ZNF407: variants seen among roughly 807,000 people sequenced by gnomAD.
ZNF407 encodes zinc finger protein 407.
A neutral mutation model predicts 131.2 loss-of-function variants in ZNF407; 17 were observed. The observed-to-expected ratio is 0.13, with a 90% CI of 0.09 to 0.19. The LOEUF is 0.19. Among genes scored for constraint, ZNF407 ranks in the 10% least tolerant of loss-of-function variants. The pLI, the probability that ZNF407 is intolerant of heterozygous loss-of-function variation, is 1.00. For missense variants in ZNF407, 2,681 were observed against 2,830.6 expected, an observed-to-expected ratio of 0.95 and a Z score of 1.20; for synonymous variants, 1,156 against 1,062.0, an observed-to-expected ratio of 1.09 and a Z score of -1.72.
chr18:75,023,735 C>A (rs1173186167), intron 8 of ZNF407, among the ~76,000 whole-genome samples: 2 of 152,136 alleles, frequency 1.3e-5, no homozygotes, highest in African/African-American at 4.8e-5. Context: ...TACATGAATG[C>A]AAGTATTGGT....
At chr18:74,725,233 TCCAGTG>T in intron 3 of ZNF407, among the ~76,000 whole-genome samples, 1 of 152,144 alleles carries the variant, frequency 6.6e-6, no homozygotes. Flanking sequence ...CCTCCTAGGC[TCCAGTG>T]AGCCTCTCAG....
intron 1 of ZNF407, among the ~76,000 whole-genome samples, chr18:74,623,259 T>G (rs977790979): frequency 4.6e-5 from 7 of 151,892 alleles, no homozygotes; most frequent in African/African-American, 1.7e-4. Context: ...CATGTGAGTG[T>G]GTGTGTGCAT....
chr18:74,889,105 C>A (rs1568256438), intron 6 of ZNF407, among the ~76,000 whole-genome samples: 1 of 152,188 alleles, frequency 6.6e-6, no homozygotes, highest in Non-Finnish European at 1.5e-5. Context: ...CAGTAGCATG[C>A]TGTACAGGTT....
intron 1 of ZNF407, among the ~76,000 whole-genome samples, chr18:74,599,514 CATAA>C (rs1048255368): frequency 1.3e-5 from 2 of 152,116 alleles, no homozygotes; most frequent in Admixed American, 6.5e-5. Flanking sequence ...TGAATAGACA[CATAA>C]ATAAATATAT....
chr18:74,915,978 AGT>A (rs757725132), intron 7 of ZNF407, among the ~76,000 whole-genome samples: 9 of 202 alleles, frequency 0.045, 2 homozygotes, highest in Non-Finnish European at 0.39. Flanking sequence ...TCGAATCGGG[AGT>A]GTGTGTGTGT....
intron 8 of ZNF407, 182 bp from the exon 9 acceptor site, chr18:75,062,968 C>T (rs907894197): frequency 3.6e-5 from 20 of 562,414 alleles, no homozygotes; most frequent in South Asian, 8.3e-5. Flanking sequence ...TAGAGCCTGC[C>T]TGCAGATGCC....
chr18:75,010,251 C>T (rs936263355), intron 8 of ZNF407, among the ~76,000 whole-genome samples: 3 of 152,010 alleles, frequency 2.0e-5, no homozygotes, highest in African/African-American at 4.8e-5. Flanking sequence ...TGAGATTTGC[C>T]GAGAGAAAGG....
In ZNF407 at chr18:75,046,709, A is replaced by G. The variant is rs192448528; in HGVS notation, c.5429-16441A>G. On this transcript the variant is annotated intron_variant, in intron 8 of 8. Coordinates refer to ENST00000299687, the MANE Select transcript of ZNF407 (RefSeq NM_017757.3). ...CTGTGCAGAGAATCTGTGAGAATCA[A>G]TCTCCTCCCTTCTTTGGCTTTTTGT... 7.9e-5 allele frequency among the ~76,000 whole-genome samples: 12 copies of G among 151,208 alleles called. No homozygotes were observed. In the South Asian group the frequency reaches 8.4e-4, roughly 11 times the overall value.
In ZNF407 at chr18:74,631,813, G is replaced by A. The variant is rs766758339; in HGVS notation, c.794G>A (p.Gly265Asp). The change falls in exon 2 of 9, where the codon GGC (glycine) becomes GAC (aspartate). Residue 265 changes from glycine to aspartate, a missense_variant. By Grantham distance (94) the Gly-to-Asp change is moderately conservative (BLOSUM62 -1). Around this residue, in one of 6 missense-constraint regions of ZNF407, gnomAD observed 1,789 missense variants for 1,748.7 expected, o/e 1.02. Transcript: ENST00000299687. ...AACTTGTTGAATGCACATTATCTTG[G>A]CAAAACACATCTCCGTCGTCAGAAT... ...EENLLNAHYL[G>D]KTHLRRQNLA... is the part of the protein sequence containing the mutation. 1.2e-6 allele frequency: 2 copies of A among 1,613,954 alleles called. No individual in the cohort carries two copies. Among genetic ancestry groups the A allele is most frequent in the Admixed American group, 3.3e-5 (2 of 60,018 alleles).
chr18:74,615,520 C>A (rs765871326), intron 1 of ZNF407, among the ~76,000 whole-genome samples: 4 of 152,130 alleles, frequency 2.6e-5, no homozygotes, highest in Admixed American at 6.5e-5. Flanking sequence ...ACTTTTATCA[C>A]GTTTGAGCTG....
intron 8 of ZNF407, among the ~76,000 whole-genome samples, chr18:75,046,642 C>T (rs775131685): frequency 1.3e-5 from 2 of 152,000 alleles, no homozygotes; most frequent in South Asian, 2.1e-4. Context: ...CAGGTCCATG[C>T]GGAATGAACA....
At position 74,632,340 on chromosome 18, in the gene ZNF407, A is replaced by G; in HGVS notation, c.1321A>G (p.Lys441Glu). Residue 441 changes from lysine (K) to glutamate (E), a missense_variant, in exon 2 of 9, where the codon AAG becomes GAG. By Grantham distance (56) the Lys-to-Glu change is moderately conservative. Transcript: ENST00000299687. The stretch of plus-strand genomic sequence containing the variant: ...CACTTTCACCTTGAAGGGCCAGGCA[A>G]AGAAAAGGTTTAATCTTTTAGGAAT... The part of the protein sequence containing the change: ...SSTFTLKGQA[K>E]KRFNLLGIKR... 1.2e-6 allele frequency: 2 copies of G among 1,614,010 alleles called. No homozygotes were observed. The highest frequency in any genetic ancestry group is 1.7e-6 in the Non-Finnish European group (2 of 1,179,892).
At chr18:74,814,765 G>T (rs1233965188) in intron 4 of ZNF407, among the ~76,000 whole-genome samples, 1 of 151,986 alleles carries the variant, frequency 6.6e-6, no homozygotes, top group Admixed American at 6.6e-5. Context: ...CATATAATTT[G>T]ATGAAAAATT....
chr18:74,763,014 A>G (rs1384017902), intron 3 of ZNF407, among the ~76,000 whole-genome samples: 2 of 152,058 alleles, frequency 1.3e-5, no homozygotes, highest in Non-Finnish European at 2.9e-5. Flanking sequence ...GTTTTACCAG[A>G]GAATAGTACC....
intron 8 of ZNF407, among the ~76,000 whole-genome samples, chr18:74,931,728 C>A (rs1209194069): frequency 6.6e-6 from 1 of 152,032 alleles, no homozygotes; most frequent in African/African-American, 2.4e-5. Context: ...TGTGTGAGTT[C>A]CCGTCACTCC....
chr18:74,836,093 G>A (rs1410535066), intron 4 of ZNF407, among the ~76,000 whole-genome samples: 2 of 151,516 alleles, frequency 1.3e-5, no homozygotes, highest in East Asian at 3.9e-4. Context: ...TATTATGTAA[G>A]GAGTTAAGAA....
chr18:75,012,518 C>G (rs1199172445), intron 8 of ZNF407, among the ~76,000 whole-genome samples: 1 of 152,066 alleles, frequency 6.6e-6, no homozygotes, highest in African/African-American at 2.4e-5. Context: ...TACACTTTGC[C>G]AACGACTCAT....
At chr18:74,654,514 A>G (rs1985364669) in intron 3 of ZNF407, among the ~76,000 whole-genome samples, 1 of 151,858 alleles carries the variant, frequency 6.6e-6, no homozygotes, top group African/African-American at 2.4e-5. Context: ...AGCTAATTTA[A>G]CTTAAAACTT....
chr18:74,713,112 C>T (rs2404155), intron 3 of ZNF407, among the ~76,000 whole-genome samples: 18,847 of 152,126 alleles, frequency 0.12, 1,296 homozygotes, highest in African/African-American at 0.17. Context: ...GTTTTCTGAA[C>T]GGTACAGCTA....
Sources: allele counts gnomAD v4.1 joint callset (sites outside exome capture counted in the v4.1 genomes callset), GRCh38; gene constraint gnomAD v4.1.1; regional missense constraint gnomAD v4.1.1; transcripts MANE v1.5; gene names NCBI Gene and HGNC (gene_info 2026-07-23, HGNC 2026-07-21).